ZFHX3: variants seen among roughly 807,000 people sequenced by gnomAD.
ZFHX3 encodes zinc finger homeobox 3, also known as zinc finger homeobox protein 3.
ZFHX3 carries 42 observed loss-of-function variants against 279.1 expected under a neutral mutation model. The observed-to-expected ratio is 0.15, with a 90% CI of 0.12 to 0.19. ZFHX3 has a LOEUF of 0.19. Among genes scored for constraint, ZFHX3 ranks in the 10% least tolerant of loss-of-function variants. The pLI, the probability that ZFHX3 is intolerant of heterozygous loss-of-function variation, is 1.00. For missense variants in ZFHX3, 4,981 were observed against 4,754.0 expected, an observed-to-expected ratio of 1.05 and a Z score of -1.40; for synonymous variants, 2,293 against 1,957.8, an observed-to-expected ratio of 1.17 and a Z score of -4.52.
intron 1 of ZFHX3, among the ~76,000 whole-genome samples, chr16:73,012,184 G>A (rs1380844676): frequency 6.6e-6 from 1 of 152,170 alleles, no homozygotes. Context: ...AAAACACCTG[G>A]TGGAATAGGT....
At position 72,833,367 on chromosome 16, in the gene ZFHX3, G is replaced by C. The variant is rs182403217; in HGVS notation, c.3449-3508C>G. On this transcript the variant is annotated intron_variant, in intron 4 of 9. Transcript: ENST00000268489. ...TGGATTGCATTCCCCCCTCTTCTGC[G>C]AAGTCACTGGTAACTGGCTGGGTCA... 9.3e-4 allele frequency among the ~76,000 whole-genome samples: 142 copies of C among 152,214 alleles called. No homozygotes were observed. The Middle Eastern group carries it at 0.027, about 29-fold the overall frequency.
At chr16:73,386,888 A>AT (rs146865096) in intron 3 of ZFHX3, 29 of 152,182 alleles carry the variant, frequency 1.9e-4, no homozygotes, top group Middle Eastern at 3.4e-3. Flanking sequence ...ATTTCCTTCT[A>AT]TTTTGTCAGG....
intron 3 of ZFHX3, among the ~76,000 whole-genome samples, chr16:73,355,505 T>A (rs2016324999): frequency 6.6e-6 from 1 of 152,158 alleles, no homozygotes; most frequent in Non-Finnish European, 1.5e-5. Context: ...TCTTCCTGAA[T>A]AGGGACACTA....
intron 3 of ZFHX3, among the ~76,000 whole-genome samples, chr16:73,430,052 AT>A (rs1369613788): frequency 6.6e-5 from 10 of 151,898 alleles, no homozygotes; most frequent in Admixed American, 2.6e-4. Flanking sequence ...CACTTGGCTA[AT>A]TAAAAAAATT....
intron 4 of ZFHX3, among the ~76,000 whole-genome samples, chr16:73,305,194 G>A (rs556629689): frequency 2.7e-4 from 41 of 152,258 alleles, no homozygotes; most frequent in Non-Finnish European, 3.8e-4. Flanking sequence ...TGGGAGGAAG[G>A]TGGGTGTAAG....
At chr16:73,046,021 G>C (rs1031463702) in intron 1 of ZFHX3, among the ~76,000 whole-genome samples, 3 of 152,146 alleles carry the variant, frequency 2.0e-5, no homozygotes, top group Non-Finnish European at 4.4e-5. Context: ...CATGCTTTCT[G>C]AAAACTATGC....
intron 1 of ZFHX3, among the ~76,000 whole-genome samples, chr16:73,010,584 CAG>C (rs1963880065): frequency 6.6e-6 from 1 of 152,172 alleles, no homozygotes; most frequent in African/African-American, 2.4e-5. Context: ...CCTGCAGAAC[CAG>C]GTTACCTCAT....
At chr16:73,378,511 G>A (rs1267006747) in intron 3 of ZFHX3, among the ~76,000 whole-genome samples, 1 of 152,104 alleles carries the variant, frequency 6.6e-6, no homozygotes, top group Non-Finnish European at 1.5e-5. Context: ...GCTGTTCTAA[G>A]AAATTCTAAA....
chr16:73,866,370 G>T (rs557481951), intron 1 of ZFHX3, among the ~76,000 whole-genome samples: 62 of 151,560 alleles, frequency 4.1e-4, no homozygotes, highest in Admixed American at 5.3e-4. Context: ...GTGGAGATGG[G>T]GTTTCACCAT....
At chr16:73,070,710 G>GTC (rs3081669) in intron 8 of ZFHX3, among the ~76,000 whole-genome samples, 27,840 of 148,002 alleles carry the variant, frequency 0.19, 2,850 homozygotes, top group East Asian at 0.41. Flanking sequence ...TGACATCATT[G>GTC]TCTCTCTCTC....
intron 1 of ZFHX3, among the ~76,000 whole-genome samples, chr16:73,796,206 G>A (rs1206817688): frequency 6.6e-6 from 1 of 152,124 alleles, no homozygotes; most frequent in Non-Finnish European, 1.5e-5. Context: ...ATAGCACAAA[G>A]TATTACCCAA....
chr16:73,218,519 A>G (rs1380444471), intron 5 of ZFHX3, among the ~76,000 whole-genome samples: 1 of 152,224 alleles, frequency 6.6e-6, no homozygotes, highest in Non-Finnish European at 1.5e-5. Flanking sequence ...CTGTAATCCC[A>G]TCACTTTGGG....
intron 2 of ZFHX3, among the ~76,000 whole-genome samples, chr16:73,480,608 G>C (rs1283678964): frequency 1.3e-5 from 2 of 152,198 alleles, no homozygotes; most frequent in Non-Finnish European, 2.9e-5. Flanking sequence ...TGTTGGCTTT[G>C]CAATTGCCTG....
chr16:73,291,677 C>G (rs948597102), intron 4 of ZFHX3, among the ~76,000 whole-genome samples: 1 of 152,102 alleles, frequency 6.6e-6, no homozygotes, highest in African/African-American at 2.4e-5. Context: ...GTGTATTGCC[C>G]CTGAAGGAAT....
chr16:73,167,348 T>C (rs7202562), intron 5 of ZFHX3, among the ~76,000 whole-genome samples: 96,766 of 152,112 alleles, frequency 0.64, 31,880 homozygotes, highest in African/African-American at 0.81. Context: ...TTAATCCATG[T>C]GCTTATGTCA....
chr16:73,574,200 T>C (rs931151357), intron 2 of ZFHX3, among the ~76,000 whole-genome samples: 2 of 152,216 alleles, frequency 1.3e-5, no homozygotes, highest in Non-Finnish European at 2.9e-5. Context: ...AATGGTCTCA[T>C]TATTTTGTGG....
intron 2 of ZFHX3, among the ~76,000 whole-genome samples, chr16:73,525,920 C>T (rs950065129): frequency 6.6e-6 from 1 of 152,108 alleles, no homozygotes; most frequent in African/African-American, 2.4e-5. Flanking sequence ...GCCAGACACA[C>T]GATTTACCCC....
rs80029157 is a variant in ZFHX3, at chr16:72,936,248, G to A, written c.3216+14221C>T. ...TGCCAAGTGTGCGCATGAGGCTGTTGTACCTGTTCTAGCACAGGGCAGAAG... is the reference window on the plus strand; with the variant it reads ...TGCCAAGTGTGCGCATGAGGCTGTTATACCTGTTCTAGCACAGGGCAGAAG... On this transcript the variant is annotated intron_variant, in intron 3 of 9. Coordinates refer to ENST00000268489, the MANE Select transcript of ZFHX3 (RefSeq NM_006885.4). Among the ~76,000 whole-genome samples, 98 of 152,288 alleles carry A rather than the reference G, an allele frequency of 6.4e-4. No homozygotes were observed. The East Asian group carries it at 0.018, about 28-fold the overall frequency.
At chr16:73,533,277 G>A (rs1348281643) in intron 2 of ZFHX3, among the ~76,000 whole-genome samples, 2 of 151,250 alleles carry the variant, frequency 1.3e-5, no homozygotes, top group East Asian at 3.9e-4. Context: ...GAACTTCCAA[G>A]GACTCCTGAC....
Sources: gnomAD v4.1 joint callset for allele counts (sites outside exome capture counted in the v4.1 genomes callset) on GRCh38, gnomAD v4.1.1 for gene constraint, MANE v1.5 for transcripts, NCBI Gene and HGNC (gene_info 2026-07-23, HGNC 2026-07-21) for gene names.